Variants in MAP1B observed in about 807,000 individuals in gnomAD.
The protein encoded by MAP1B is microtubule-associated protein 1B.
In MAP1B, 12 loss-of-function variants were observed where a neutral mutation model predicts 176.1. The observed-to-expected ratio is 0.07, with a 90% CI of 0.04 to 0.11. MAP1B has a LOEUF of 0.11. Ranked by LOEUF, MAP1B falls within the 10% of genes least tolerant of loss-of-function variation. MAP1B has a pLI of 1.00. For synonymous variants in MAP1B, 1,044 were observed against 1,135.0 expected, an observed-to-expected ratio of 0.92 and a Z score of 1.61; for missense variants, 2,523 against 2,990.5, an observed-to-expected ratio of 0.84 and a Z score of 3.65.
Position 72,200,048 on chromosome 5 carries a change from G to T in MAP1B, c.6693G>T (p.Leu2231=). The stretch of plus-strand genomic sequence containing the variant: ...AGGCCTTGGCCATTGAGCAGAACCT[G>T]GGCAAAGCTCTAAAGAAAGATCTGA... ...DPEALAIEQN[L]GKALKKDLKE... is the part of the protein sequence containing the mutation. The change falls in exon 5 of 7, where the codon CTG becomes CTT. Residue 2231 remains leucine (L), a synonymous_variant. Coordinates refer to ENST00000296755, the MANE Select transcript of MAP1B (RefSeq NM_005909.5). 2 of 1,614,150 alleles carry T rather than the reference G, an allele frequency of 1.2e-6. No individual in the cohort carries two copies. Among genetic ancestry groups the T allele is most frequent in the Non-Finnish European group, 1.7e-6 (2 of 1,180,036 alleles).
intron 2 of MAP1B, among the ~76,000 whole-genome samples, chr5:72,149,318 CCTGTTT>C (rs1260015377): frequency 6.6e-6 from 1 of 152,202 alleles, no homozygotes; most frequent in Non-Finnish European, 1.5e-5. Flanking sequence ...AAAGAAATTT[CCTGTTT>C]CTAACTAAAT....
chr5:72,140,175 C>T (rs1745921736), intron 2 of MAP1B, among the ~76,000 whole-genome samples: 1 of 152,116 alleles, frequency 6.6e-6, no homozygotes, highest in African/African-American at 2.4e-5. Context: ...GTTGCCCAGG[C>T]TGGTCTTGAA....
rs760716962 is a variant in MAP1B, at chr5:72,198,991, C to T, written c.5636C>T (p.Thr1879Ile). ...GCCTATCAAAAGCCTGAGGAAACAA[C>T]CAGGTCCCCAGATGAAGAAGATTAT... ...SYAYQKPEETTRSPDEEDYDY... is the reference protein window; with the variant it reads ...SYAYQKPEETIRSPDEEDYDY... The change falls in exon 5 of 7, where the codon ACC becomes ATC. Residue 1879 changes from threonine (T) to isoleucine (I), a missense_variant. Around this residue, in one of 4 missense-constraint regions of MAP1B, gnomAD observed 1,925 missense variants for 2,126.0 expected, o/e 0.91. Coordinates refer to ENST00000296755, the MANE Select transcript of MAP1B (RefSeq NM_005909.5). 1.2e-6 allele frequency: 2 copies of T among 1,614,104 alleles called. No individual in the cohort carries two copies. Among genetic ancestry groups the T allele is most frequent in the Admixed American group, 1.7e-5 (1 of 60,020 alleles).
rs1000280680 is a variant in MAP1B at position 72,195,453 on chromosome 5, G to A, written c.2098G>A (p.Val700Ile). The A allele has an allele frequency of 1.8e-5, 29 of 1,582,064 alleles. No individual in the cohort carries two copies. The highest frequency in any genetic ancestry group is 2.5e-5 in the Non-Finnish European group (29 of 1,167,380). Reference sequence around the variant, plus strand: ...AGAGAAAAAAGAACCCAAGAAAGAGGTTAAGAAAGAAACACCGCCAAAGGA... The same window carrying A: ...AGAGAAAAAAGAACCCAAGAAAGAGATTAAGAAAGAAACACCGCCAAAGGA... ...KEEKKEPKKEVKKETPPKEVK... is the reference protein window; with the variant it reads ...KEEKKEPKKEIKKETPPKEVK... Residue 700 changes from valine (V) to isoleucine (I), a missense_variant, in exon 5 of 7, where the codon GTT (valine) becomes ATT (isoleucine). By Grantham distance (29) the Val-to-Ile change is conservative. This residue lies in a region of MAP1B where 1,925 missense variants were observed against 2,126.0 expected (regional missense o/e 0.91). Coordinates refer to ENST00000296755, the MANE Select transcript of MAP1B (RefSeq NM_005909.5).
At position 72,196,225 on chromosome 5, in the gene MAP1B, A is replaced by G; in HGVS notation, c.2870A>G (p.Asp957Gly). ...GAGGAGGCTGAGGAGCCAGAAGAGG[A>G]TGGGGAGGAACACGTATGTGTGAGC... The part of the protein sequence containing the change: ...ETEEAEEPEE[D>G]GEEHVCVSAS... The change falls in exon 5 of 7, where the codon GAT becomes GGT. Residue 957 changes from aspartate (D) to glycine (G), a missense_variant. This residue lies in a region of MAP1B where 1,925 missense variants were observed against 2,126.0 expected (regional missense o/e 0.91). Coordinates refer to ENST00000296755, the MANE Select transcript of MAP1B (RefSeq NM_005909.5). This position sits in a 1 kb window ranked among gnomAD's most constrained non-coding sequence, Gnocchi z 5.3. The G allele has an allele frequency of 6.2e-7, 1 of 1,613,658 alleles. No homozygotes were observed. Among genetic ancestry groups the G allele is most frequent in the Non-Finnish European group, 8.5e-7 (1 of 1,180,024 alleles).
intron 2 of MAP1B, among the ~76,000 whole-genome samples, chr5:72,179,279 G>C (rs887577781): frequency 6.6e-6 from 1 of 152,182 alleles, no homozygotes; most frequent in East Asian, 1.9e-4. Context: ...CCCTCAGACC[G>C]ATGCCGGGGA....
chr5:72,177,723 A>C (rs1262040767), intron 2 of MAP1B, among the ~76,000 whole-genome samples: 1 of 152,108 alleles, frequency 6.6e-6, no homozygotes. Context: ...CTTCTGGGAG[A>C]CCTGTTGGTT....
chr5:72,189,124 A>G (rs1746971823), intron 4 of MAP1B, among the ~76,000 whole-genome samples: 1 of 152,218 alleles, frequency 6.6e-6, no homozygotes, highest in African/African-American at 2.4e-5. Flanking sequence ...AACAAAAATG[A>G]TACTTTTTAA....
intron 1 of MAP1B, among the ~76,000 whole-genome samples, chr5:72,115,389 C>G (rs1189430380): frequency 2.0e-5 from 3 of 152,172 alleles, no homozygotes; most frequent in Non-Finnish European, 2.9e-5. Flanking sequence ...TTTCTAGTCC[C>G]TCCCTGGAGT....
chr5:72,118,413 A>G (rs1488829135), intron 2 of MAP1B, among the ~76,000 whole-genome samples: 1 of 152,234 alleles, frequency 6.6e-6, no homozygotes, highest in Non-Finnish European at 1.5e-5. Context: ...AACATTGTTA[A>G]AAATAGCACC....
chr5:72,174,875 T>C (rs1186195575), intron 2 of MAP1B, among the ~76,000 whole-genome samples: 2 of 136,494 alleles, frequency 1.5e-5, no homozygotes, highest in Non-Finnish European at 3.1e-5. Flanking sequence ...CTGCTTCCTT[T>C]CTTCCTTCCT....
intron 2 of MAP1B, among the ~76,000 whole-genome samples, chr5:72,163,766 C>T (rs1396450592): frequency 1.3e-5 from 2 of 152,030 alleles, no homozygotes; most frequent in African/African-American, 2.4e-5. Flanking sequence ...TGTGTGACTT[C>T]GGACAAGTCA....
chr5:72,166,616 A>C (rs2112187514), intron 2 of MAP1B, among the ~76,000 whole-genome samples: 1 of 152,282 alleles, frequency 6.6e-6, no homozygotes, highest in Admixed American at 6.5e-5. Flanking sequence ...TGCAGCCAGC[A>C]AGACCTGGTG....
chr5:72,110,448 T>G (rs890935955), intron 1 of MAP1B, among the ~76,000 whole-genome samples: 1 of 152,196 alleles, frequency 6.6e-6, no homozygotes, highest in African/African-American at 2.4e-5. Flanking sequence ...CTTCCAGCGC[T>G]AAGTGAAAAT....
chr5:72,196,331 T>C lies in MAP1B; in HGVS notation c.2976T>C (p.Ser992=). The C allele has an allele frequency of 6.2e-7, 1 of 1,613,970 alleles. No individual in the cohort carries two copies. Among genetic ancestry groups the C allele is most frequent in the South Asian group, 1.1e-5 (1 of 91,050 alleles). ...ADAYIREKRE[S]VASGDDRAEE... The stretch of plus-strand genomic sequence containing the variant: ...CATACATCAGGGAGAAGAGGGAGTC[T>C]GTGGCCAGTGGGGATGACCGAGCCG... The change falls in exon 5 of 7, where the codon TCT becomes TCC. Residue 992 remains serine (S), a synonymous_variant. Transcript: ENST00000296755. The surrounding 1 kb of genome is among the most constrained non-coding windows in gnomAD (Gnocchi z 5.3).
intron 2 of MAP1B, among the ~76,000 whole-genome samples, chr5:72,136,031 A>G (rs1435036330): frequency 6.6e-6 from 1 of 152,184 alleles, no homozygotes; most frequent in African/African-American, 2.4e-5. Context: ...GGAGTGTTCT[A>G]GAAAGAACTA....
chr5:72,141,622 CAG>C (rs552365594), intron 2 of MAP1B, among the ~76,000 whole-genome samples: 181 of 152,318 alleles, frequency 1.2e-3, no homozygotes, highest in African/African-American at 4.2e-3. Context: ...TGGCATGACT[CAG>C]AAAGCTGGAC....
At chr5:72,162,228 A>G (rs558327861) in intron 2 of MAP1B, among the ~76,000 whole-genome samples, 2 of 152,274 alleles carry the variant, frequency 1.3e-5, no homozygotes, top group South Asian at 4.1e-4. Context: ...TGAGTGTCTG[A>G]GCTGGGGAGA....
At chr5:72,159,437 TAGATAG>T (rs1746289326) in intron 2 of MAP1B, among the ~76,000 whole-genome samples, 1 of 11,286 alleles carries the variant, frequency 8.9e-5, no homozygotes, top group Non-Finnish European at 5.9e-4. Context: ...AAAAGGCAGA[TAGATAG>T]TGTATGTTAA....
Sources: allele counts gnomAD v4.1 joint callset (sites outside exome capture counted in the v4.1 genomes callset), GRCh38; gene constraint gnomAD v4.1.1; regional missense constraint gnomAD v4.1.1; non-coding constraint Gnocchi (gnomAD v3.1); transcripts MANE v1.5; gene names NCBI Gene and HGNC (gene_info 2026-07-23, HGNC 2026-07-21).